Variants in PLCB4 observed in about 807,000 individuals in gnomAD.
PLCB4 encodes phospholipase C beta 4, also known as 1-phosphatidylinositol 4,5-bisphosphate phosphodiesterase beta-4.
Under a neutral mutation model 178.8 loss-of-function variants are expected in PLCB4, and 77 were observed. That is an observed-to-expected ratio of 0.43 (90% CI 0.36 to 0.52). The LOEUF is 0.52. Ranked by LOEUF, PLCB4 falls within the 20% of genes least tolerant of loss-of-function variation. PLCB4 has a pLI of 0.00. For synonymous variants in PLCB4, 496 were observed against 490.8 expected (o/e 1.01, Z -0.14); for missense variants, 1,024 against 1,453.4 (o/e 0.70, Z 4.80).
chr20:9,227,566 A>G (rs1022215449), intron 3 of PLCB4, among the ~76,000 whole-genome samples: 2 of 152,080 alleles, frequency 1.3e-5, no homozygotes, highest in African/African-American at 4.8e-5. Flanking sequence ...AGCACCATTT[A>G]TTGAAGAAAC....
chr20:9,122,520 C>T (rs2091991961), intron 2 of PLCB4, among the ~76,000 whole-genome samples: 1 of 152,114 alleles, frequency 6.6e-6, no homozygotes, highest in South Asian at 2.1e-4. Flanking sequence ...TTCTACTCCT[C>T]TTCACAATGT....
chr20:9,380,534 C>T (rs2037055011), intron 13 of PLCB4, among the ~76,000 whole-genome samples: 1 of 152,096 alleles, frequency 6.6e-6, no homozygotes, highest in Admixed American at 6.5e-5. Context: ...TTCTTTTTCT[C>T]CCTTTTGTTT....
chr20:9,358,364 A>T (rs1025969790), intron 7 of PLCB4, among the ~76,000 whole-genome samples: 5 of 152,212 alleles, frequency 3.3e-5, no homozygotes, highest in African/African-American at 9.6e-5. Flanking sequence ...ATGAAGGAGG[A>T]TGCTACTGAG....
At chr20:9,175,533 C>G (rs2093140271) in intron 2 of PLCB4, among the ~76,000 whole-genome samples, 1 of 152,182 alleles carries the variant, frequency 6.6e-6, no homozygotes, top group South Asian at 2.1e-4. Flanking sequence ...ACCCATACTG[C>G]TTAAAGCCCA....
chr20:9,304,565 G>A (rs1202000774), intron 3 of PLCB4, among the ~76,000 whole-genome samples: 9 of 152,138 alleles, frequency 5.9e-5, no homozygotes, highest in Admixed American at 5.9e-4. Context: ...AAATTATTAA[G>A]TATGATATTC....
chr20:9,157,595 C>T (rs1437056142), intron 2 of PLCB4, among the ~76,000 whole-genome samples: 3 of 152,090 alleles, frequency 2.0e-5, no homozygotes, highest in Non-Finnish European at 4.4e-5. Context: ...TTATGAGACT[C>T]CTCAATTGTT....
intron 14 of PLCB4, among the ~76,000 whole-genome samples, chr20:9,384,656 T>C (rs2072910): frequency 0.23 from 34,497 of 152,038 alleles, 7,573 homozygotes; most frequent in African/African-American, 0.58. Flanking sequence ...AAAATATGCC[T>C]CCAAAACCAC....
intron 1 of PLCB4, among the ~76,000 whole-genome samples, chr20:9,095,002 G>A (rs758533574): frequency 4.6e-4 from 70 of 152,152 alleles, no homozygotes; most frequent in Non-Finnish European, 8.8e-5. Context: ...GTGGTGAAGA[G>A]CAAGAGAGGA....
chr20:9,096,077 C>G (rs974401456), intron 1 of PLCB4, among the ~76,000 whole-genome samples: 3 of 151,858 alleles, frequency 2.0e-5, no homozygotes, highest in Admixed American at 2.0e-4. Flanking sequence ...CCATTTTGTT[C>G]TTTAAAAAGC....
intron 3 of PLCB4, among the ~76,000 whole-genome samples, chr20:9,297,993 C>T (rs967027945): frequency 6.6e-6 from 1 of 152,032 alleles, no homozygotes; most frequent in Non-Finnish European, 1.5e-5. Flanking sequence ...GAACACAATA[C>T]CTGAAAACAT....
At chr20:9,199,768 T>G (rs571011033) in intron 2 of PLCB4, among the ~76,000 whole-genome samples, 1 of 152,236 alleles carries the variant, frequency 6.6e-6, no homozygotes, top group South Asian at 2.1e-4. Context: ...AGATTTTTAT[T>G]ATTTCAGACA....
At chr20:9,346,715 C>G (rs1316247577) in intron 7 of PLCB4, among the ~76,000 whole-genome samples, 1 of 152,158 alleles carries the variant, frequency 6.6e-6, no homozygotes, top group African/African-American at 2.4e-5. Flanking sequence ...AGCTGTGAAT[C>G]AGAACAAATA....
intron 30 of PLCB4, 74 bp downstream of exon 30, chr20:9,437,226 A>G: frequency 7.6e-7 from 1 of 1,312,702 alleles, no homozygotes. Context: ...CTATAGCTTT[A>G]GGAAATATAT....
chr20:9,153,758 T>C (rs1171200746), intron 2 of PLCB4, among the ~76,000 whole-genome samples: 1 of 152,186 alleles, frequency 6.6e-6, no homozygotes, highest in African/African-American at 2.4e-5. Flanking sequence ...ATAAGGTGCA[T>C]AGGTGAATTC....
intron 7 of PLCB4, among the ~76,000 whole-genome samples, chr20:9,343,971 C>G (rs1292661974): frequency 6.6e-6 from 1 of 152,212 alleles, no homozygotes; most frequent in East Asian, 1.9e-4. Flanking sequence ...CATTTCTTCC[C>G]TATTGTGCCC....
At chr20:9,116,267 C>T (rs1357785725) in intron 2 of PLCB4, among the ~76,000 whole-genome samples, 2 of 151,994 alleles carry the variant, frequency 1.3e-5, no homozygotes, top group Admixed American at 1.3e-4. Context: ...CCAGAAGTAA[C>T]TTTTCAGAAT....
chr20:9,373,864 A>G (rs2036454518), intron 12 of PLCB4, among the ~76,000 whole-genome samples: 1 of 152,232 alleles, frequency 6.6e-6, no homozygotes, highest in Admixed American at 6.5e-5. Context: ...TTTTCCCTTC[A>G]GTGAAACCCA....
chr20:9,137,466 G>C (rs2092406370), intron 2 of PLCB4, among the ~76,000 whole-genome samples: 1 of 152,054 alleles, frequency 6.6e-6, no homozygotes, highest in Admixed American at 6.6e-5. Context: ...GGTTGTAATT[G>C]GTAATCTGTT....
At chr20:9,342,312 A>G (rs1045211877) in intron 7 of PLCB4, among the ~76,000 whole-genome samples, 1 of 152,188 alleles carries the variant, frequency 6.6e-6, no homozygotes, top group African/African-American at 2.4e-5. Context: ...AAATTGGGCC[A>G]ATGAGAAATG....
Sources: allele counts gnomAD v4.1 joint callset (sites outside exome capture counted in the v4.1 genomes callset), GRCh38; gene constraint gnomAD v4.1.1; transcripts MANE v1.5; gene names NCBI Gene and HGNC (gene_info 2026-07-23, HGNC 2026-07-21).